The following GDA variants were observed in gnomAD, a reference collection of about 807,000 sequenced individuals.
The protein encoded by GDA is cytoplasmic PSD-95 interactor.
In GDA, 18 loss-of-function variants were observed where a neutral mutation model predicts 59.6. That is an observed-to-expected ratio of 0.30 (90% CI 0.21 to 0.45). The LOEUF is 0.45. GDA is among the 20% of genes least tolerant of loss of function. The pLI, the probability that GDA is intolerant of heterozygous loss-of-function variation, is 1.00. For synonymous variants in GDA, 201 were observed against 201.1 expected (o/e 1.00, Z 0.00); for missense variants, 427 against 552.3 (o/e 0.77, Z 2.27).
chr9:72,258,520 G>T (rs12001463), downstream of GDA, among the ~76,000 whole-genome samples: 1 of 152,166 alleles, frequency 6.6e-6, no homozygotes, highest in African/African-American at 2.4e-5. Context: ...AGTTACCACT[G>T]GGGGAGAGTC....
chr9:72,194,109 G>A (rs1315223482), intron 1 of GDA: 2 of 152,280 alleles, frequency 1.3e-5, no homozygotes, highest in East Asian at 3.9e-4. Context: ...GGGGACTCCA[G>A]GAGCCTGCTT....
At chr9:72,259,630 C>A (rs1038735433), downstream of GDA, among the ~76,000 whole-genome samples, 1 of 152,146 alleles carries the variant, frequency 6.6e-6, no homozygotes, top group Non-Finnish European at 1.5e-5. Flanking sequence ...GCTTGAGACA[C>A]GGCCTAAGTC....
downstream of GDA, among the ~76,000 whole-genome samples, chr9:72,258,802 G>A (rs1266452538): frequency 2.0e-5 from 3 of 152,284 alleles, no homozygotes; most frequent in East Asian, 5.8e-4. Context: ...GGAAGAAAGA[G>A]CCTCACCCAT....
chr9:72,166,623 T>C (rs1248076947), intron 1 of GDA, among the ~76,000 whole-genome samples: 1 of 152,126 alleles, frequency 6.6e-6, no homozygotes, highest in Non-Finnish European at 1.5e-5. Flanking sequence ...GTAACAAATA[T>C]CACATGTACC....
At chr9:72,168,718 C>T (rs966934802) in intron 1 of GDA, among the ~76,000 whole-genome samples, 4 of 152,176 alleles carry the variant, frequency 2.6e-5, no homozygotes, top group Middle Eastern at 3.2e-3. Flanking sequence ...ATGTGCCAGG[C>T]ACTGCTCTAA....
At chr9:72,183,875 AT>A (rs1831565895) in intron 1 of GDA, among the ~76,000 whole-genome samples, 1 of 152,210 alleles carries the variant, frequency 6.6e-6, no homozygotes, top group Non-Finnish European at 1.5e-5. Context: ...CCAATGATTT[AT>A]TAGTGGTGTC....
In GDA at chr9:72,214,284, A is replaced by G. The variant is rs549939257; in HGVS notation, c.578+293A>G. Among the ~76,000 whole-genome samples, 10 of 145,740 alleles carry G rather than the reference A, an allele frequency of 6.9e-5. No individual in the cohort carries two copies. The East Asian group carries it at 1.6e-3, about 23-fold the overall frequency. ...TTTTATTTATTTTTTATTTATTTTT[A>G]TTTTTTTTTTTTGAGACGGAGTCTC... is the stretch of plus-strand genomic sequence containing the variant. On this transcript the variant is annotated intron_variant, in intron 5 of 13. Transcript: ENST00000358399.
Position 72,185,756 on chromosome 9 carries a change from T to C in GDA, c.124-9744T>C, listed in dbSNP as rs554517975. On this transcript the variant is annotated intron_variant, in intron 1 of 13. Coordinates refer to ENST00000358399, the MANE Select transcript of GDA (RefSeq NM_004293.5). ...ACAAGCCTCTTGCCCAAATTTGCCA[T>C]CTGGTGTTTGAAGCCTGTATCTTGC... Among the ~76,000 whole-genome samples the C allele has an allele frequency of 6.6e-5, 10 of 152,336 alleles. 1 individual carries two copies. The East Asian group carries it at 1.4e-3, about 21-fold the overall frequency.
intron 1 of GDA, among the ~76,000 whole-genome samples, chr9:72,174,609 A>T (rs1830341862): frequency 6.6e-6 from 1 of 152,132 alleles, no homozygotes; most frequent in African/African-American, 2.4e-5. Flanking sequence ...GTTAATTGGG[A>T]GTGGGACCAG....
At chr9:72,123,482 C>CTTT (rs11357949) in intron 1 of GDA, among the ~76,000 whole-genome samples, 10 of 76,640 alleles carry the variant, frequency 1.3e-4, no homozygotes, top group East Asian at 3.1e-4. Context: ...CATGCCCGGC[C>CTTT]TTTTTTTTTT....
chr9:72,208,808 G>A (rs1404394582), intron 3 of GDA, among the ~76,000 whole-genome samples: 1 of 152,050 alleles, frequency 6.6e-6, no homozygotes, highest in Non-Finnish European at 1.5e-5. Context: ...ATGTACTTGT[G>A]GGAAGACCTC....
chr9:72,154,916 A>G (rs942828799), intron 1 of GDA, among the ~76,000 whole-genome samples: 1 of 152,194 alleles, frequency 6.6e-6, no homozygotes, highest in Non-Finnish European at 1.5e-5. Context: ...CCGGAGATAA[A>G]TTGATGAACA....
intron 3 of GDA, among the ~76,000 whole-genome samples, chr9:72,208,109 C>T (rs1834941462): frequency 7.3e-6 from 1 of 137,772 alleles, no homozygotes. Context: ...AAAACAAAAC[C>T]CAAAATAACA....
At chr9:72,121,766 G>A (rs925214439) in intron 1 of GDA, among the ~76,000 whole-genome samples, 4 of 152,076 alleles carry the variant, frequency 2.6e-5, no homozygotes, top group Admixed American at 6.5e-5. Flanking sequence ...ACATCTCAAC[G>A]CATGGAAGCT....
chr9:72,150,905 T>C (rs190651298), intron 1 of GDA, among the ~76,000 whole-genome samples: 1 of 152,142 alleles, frequency 6.6e-6, no homozygotes, highest in Non-Finnish European at 1.5e-5. Flanking sequence ...GGGGACTTGG[T>C]CCTCAAGTTT....
chr9:72,143,954 G>T, intron 1 of GDA, among the ~76,000 whole-genome samples: 1 of 152,196 alleles, frequency 6.6e-6, no homozygotes, highest in African/African-American at 2.4e-5. Context: ...AGACGCAGTG[G>T]CTCATGTCTG....
At chr9:72,143,469 C>T (rs987992502) in intron 1 of GDA, among the ~76,000 whole-genome samples, 1 of 151,960 alleles carries the variant, frequency 6.6e-6, no homozygotes, top group East Asian at 1.9e-4. Flanking sequence ...GGTAGGAAGC[C>T]GGCATCAGCT....
intron 1 of GDA, among the ~76,000 whole-genome samples, chr9:72,135,492 G>T (rs1826187669): frequency 6.6e-6 from 1 of 152,066 alleles, no homozygotes; most frequent in Admixed American, 6.6e-5. Context: ...ATTCAGCTTT[G>T]TCTGATTCCA....
rs187405643 is a variant in GDA, at chr9:72,156,524, G to T, written c.123+6842G>T. 2.6e-3 allele frequency among the ~76,000 whole-genome samples: 396 copies of T among 152,290 alleles called. 2 individuals carry two copies. Among genetic ancestry groups the T allele is most frequent in the Non-Finnish European group, 4.4e-3 (297 of 68,028 alleles). On this transcript the variant is annotated intron_variant, in intron 1 of 13. Transcript: ENST00000358399. The stretch of plus-strand genomic sequence containing the variant: ...ATAGGAGCTTGGCTTTCATCAGAAA[G>T]ATGCTTTCACTCCCAATTATTACAA...
Sources: allele counts gnomAD v4.1 joint callset (sites outside exome capture counted in the v4.1 genomes callset), GRCh38; gene constraint gnomAD v4.1.1; transcripts MANE v1.5; gene names NCBI Gene and HGNC (gene_info 2026-07-23, HGNC 2026-07-21).